Variants in PHF21A observed in about 807,000 individuals in gnomAD.
PHF21A encodes BHC80a.
PHF21A carries 11 observed loss-of-function variants against 82.5 expected under a neutral mutation model. That is an observed-to-expected ratio of 0.13 (90% confidence interval 0.08 to 0.22). The LOEUF (loss-of-function observed/expected upper bound fraction) is 0.22, where lower values mean the gene tolerates loss of function less well. Among genes scored for constraint, PHF21A ranks in the 10% least tolerant of loss-of-function variants. The pLI is 1.00. For missense variants in PHF21A, 579 were observed against 837.8 expected (o/e 0.69, Z 3.81); for synonymous variants, 297 against 302.8 (o/e 0.98, Z 0.20).
intron 16 of PHF21A, among the ~76,000 whole-genome samples, chr11:45,937,097 C>G (rs7934572): frequency 0.88 from 133,877 of 152,240 alleles, 59,090 homozygotes; most frequent in East Asian, 1. Context: ...GAGGAGGACA[C>G]TGAGAGAAGT....
intron 6 of PHF21A, among the ~76,000 whole-genome samples, chr11:45,984,791 C>G (rs1037633511): frequency 4.6e-5 from 7 of 152,194 alleles, no homozygotes; most frequent in African/African-American, 1.7e-4. Context: ...CAAGTCTCTG[C>G]TTTTTCACAC....
chr11:46,084,258 T>C lies in PHF21A; in HGVS notation c.-39A>G. On this transcript the variant is annotated 5_prime_UTR_variant, in exon 4 of 19. Coordinates refer to ENST00000676320, the MANE Select transcript of PHF21A (RefSeq NM_001352027.3). Reference sequence around the variant, plus strand: ...CACTTTCTCTGCTAATTCTATAGTTTCTTCAGCCTCTGTTTAAAGTAACAA... The same window carrying C: ...CACTTTCTCTGCTAATTCTATAGTTCCTTCAGCCTCTGTTTAAAGTAACAA... The C allele has an allele frequency of 1.3e-6, 2 of 1,527,396 alleles. No homozygotes were observed. Among genetic ancestry groups the C allele is most frequent in the Non-Finnish European group, 1.8e-6 (2 of 1,118,160 alleles). 94.6% of individuals were successfully genotyped at this position (1,527,396 alleles called of 1,614,324 possible).
intron 15 of PHF21A, among the ~76,000 whole-genome samples, chr11:45,940,767 T>G (rs1212322024): frequency 2.6e-5 from 4 of 152,276 alleles, no homozygotes; most frequent in Middle Eastern, 6.8e-3. Context: ...AATGTGTGAT[T>G]TTAGAGACTG....
chr11:46,094,540 A>G (rs1593142375), intron 1 of PHF21A, among the ~76,000 whole-genome samples: 1 of 152,162 alleles, frequency 6.6e-6, no homozygotes, highest in Non-Finnish European at 1.5e-5. Flanking sequence ...CTAGCGAAAT[A>G]TTTTTGGAAA....
chr11:46,028,255 G>A (rs2095791598), intron 6 of PHF21A, among the ~76,000 whole-genome samples: 1 of 152,042 alleles, frequency 6.6e-6, no homozygotes, highest in Admixed American at 6.6e-5. Context: ...ATGTACTCAG[G>A]ACTGTCCCTG....
chr11:46,038,129 T>TC (rs1396591581), intron 6 of PHF21A, among the ~76,000 whole-genome samples: 27 of 145,492 alleles, frequency 1.9e-4, no homozygotes, highest in Non-Finnish European at 2.4e-4. Flanking sequence ...TCTCTCTCTC[T>TC]TTTTTTTTTT....
chr11:45,970,863 C>T, intron 8 of PHF21A: 1 of 470,304 alleles, frequency 2.1e-6, no homozygotes, highest in Non-Finnish European at 3.8e-6. Context: ...GGAGACCTTC[C>T]CCCTAAAATC....
chr11:46,120,814 A>G (rs1290660419), intron 1 of PHF21A, 121 bp downstream of exon 1: 2 of 151,568 alleles, frequency 1.3e-5, no homozygotes, highest in East Asian at 3.9e-4. Context: ...GCGACAAGAC[A>G]GAGGGAGAGA....
In PHF21A at chr11:45,986,526, A is replaced by T. The variant is rs1007098933; in HGVS notation, c.154-6560T>A. On this transcript the variant is annotated intron_variant, in intron 6 of 18. Transcript: ENST00000676320. ...AAAAAGTATAAACACATAAACTACA[A>T]TCGAACAATGCATACTAGGAATGGT... is the stretch of plus-strand genomic sequence containing the variant. Among the ~76,000 whole-genome samples the T allele has an allele frequency of 2.6e-5, 4 of 152,182 alleles. No homozygotes were observed. In the East Asian group the frequency reaches 7.7e-4, roughly 29 times the overall value.
intron 3 of PHF21A, among the ~76,000 whole-genome samples, chr11:46,087,904 C>A (rs1243674376): frequency 1.3e-5 from 2 of 152,020 alleles, no homozygotes; most frequent in East Asian, 1.9e-4. Context: ...TACAGGTGTG[C>A]CCCACCATAC....
chr11:45,981,843 G>T lies in PHF21A; in HGVS notation c.154-1877C>A, dbSNP rs2094299020. Among the ~76,000 whole-genome samples the T allele has an allele frequency of 2.0e-5, 3 of 147,018 alleles. No individual in the cohort carries two copies. In the South Asian group the frequency reaches 6.5e-4, roughly 32 times the overall value. On this transcript the variant is annotated intron_variant, in intron 6 of 18. Coordinates refer to ENST00000676320, the MANE Select transcript of PHF21A (RefSeq NM_001352027.3). Reference sequence around the variant, plus strand: ...TTAACATATTTGAACATTAAAATATGTATAAAATGAATTTCTAAAATCTTT... The same window carrying T: ...TTAACATATTTGAACATTAAAATATTTATAAAATGAATTTCTAAAATCTTT...
chr11:45,994,931 T>C (rs947961876), intron 6 of PHF21A, among the ~76,000 whole-genome samples: 7 of 152,348 alleles, frequency 4.6e-5, no homozygotes, highest in Non-Finnish European at 7.3e-5. Flanking sequence ...ATATTTCTGA[T>C]AATATTTTCA....
chr11:45,940,873 T>C (rs2090220410), intron 15 of PHF21A, among the ~76,000 whole-genome samples: 1 of 152,208 alleles, frequency 6.6e-6, no homozygotes. Context: ...GAAGAGGCGT[T>C]CACTTTCCTT....
At chr11:45,998,095 T>G (rs186269740) in intron 6 of PHF21A, among the ~76,000 whole-genome samples, 1 of 152,206 alleles carries the variant, frequency 6.6e-6, no homozygotes, top group East Asian at 1.9e-4. Flanking sequence ...CTAAAAAGAT[T>G]ACTGAATCCC....
At chr11:46,089,794 T>G (rs2096902431) in intron 3 of PHF21A, among the ~76,000 whole-genome samples, 1 of 120,378 alleles carries the variant, frequency 8.3e-6, no homozygotes, top group Non-Finnish European at 1.6e-5. Flanking sequence ...TAATCTCTAT[T>G]TGTTTTGGAG....
intron 6 of PHF21A, among the ~76,000 whole-genome samples, chr11:46,014,382 T>G (rs369108609): frequency 7.9e-5 from 12 of 152,278 alleles, no homozygotes; most frequent in African/African-American, 2.9e-4. Flanking sequence ...CCAGTGTATA[T>G]GCACCACATT....
chr11:45,981,559 G>A (rs960151364), intron 6 of PHF21A, among the ~76,000 whole-genome samples: 1 of 152,106 alleles, frequency 6.6e-6, no homozygotes, highest in Non-Finnish European at 1.5e-5. Context: ...CCTAATAGGA[G>A]GAAGAAGGTA....
chr11:45,935,722 G>C lies in PHF21A; in HGVS notation c.1702C>G (p.Gln568Glu). 1.4e-6 allele frequency: 1 copy of C among 699,604 alleles called. No individual in the cohort carries two copies. Among genetic ancestry groups the C allele is most frequent in the Non-Finnish European group, 2.2e-6 (1 of 455,456 alleles). The allele number at this position is 699,604 out of a possible 1,614,324, so 43.3% of individuals were successfully genotyped here. A position where few individuals can be genotyped will look rare whatever the true frequency, so the allele number is the denominator to read the frequency against. The change falls in exon 18 of 19, where the codon CAG (glutamine) becomes GAG (glutamate). Residue 568 changes from glutamine (Q) to glutamate (E), a missense_variant. Gln to Glu is a conservative substitution (Grantham distance 29). Transcript: ENST00000676320. ...AYKAAKEEEK[Q>E]KLLKWSSDLK... Reference sequence around the variant, plus strand: ...TCTGAACTCCATTTAAGTAACTTCTGTTTCTCTTCTTCTTTTGCTAAAAAA... The same window carrying C: ...TCTGAACTCCATTTAAGTAACTTCTCTTTCTCTTCTTCTTTTGCTAAAAAA...
chr11:46,027,782 T>C (rs117110449), intron 6 of PHF21A, among the ~76,000 whole-genome samples: 2 of 152,364 alleles, frequency 1.3e-5, no homozygotes, highest in East Asian at 1.9e-4. Context: ...CAATGATTTA[T>C]ATCTTCTTTT....
Sources: allele counts gnomAD v4.1 joint callset (sites outside exome capture counted in the v4.1 genomes callset), GRCh38; gene constraint gnomAD v4.1.1; transcripts MANE v1.5; gene names NCBI Gene and HGNC (gene_info 2026-07-23, HGNC 2026-07-21).